Variants in THEMIS observed in about 807,000 individuals in gnomAD.
THEMIS encodes the protein thymocyte selection associated.
Under a neutral mutation model 52.6 loss-of-function variants are expected in THEMIS, and 37 were observed. That is an observed-to-expected ratio of 0.70 (90% CI 0.54 to 0.93). THEMIS has a LOEUF of 0.93. Ranked by LOEUF, THEMIS falls within the 40% of genes least tolerant of loss-of-function variation. The probability of loss-of-function intolerance (pLI) is 0.00; values close to 1 mark genes in which losing one functional copy is unlikely to be tolerated. For synonymous variants in THEMIS, 292 were observed against 272.7 expected (o/e 1.07, Z -0.70); for missense variants, 808 against 763.1 (o/e 1.06, Z -0.69).
At position 127,900,836 on chromosome 6, in the gene THEMIS, G is replaced by A. The variant is rs368749316; in HGVS notation, c.91+6C>T. On this transcript the variant is annotated splice_donor_region_variant and intron_variant, in intron 1 of 5. Coordinates refer to ENST00000368248, the MANE Select transcript of THEMIS (RefSeq NM_001010923.3). ...CTAGCCAGTAAAGGTATTGGAGAGT[G>A]CTTACCTTCAAGATAGATGCCTGCC... The A allele has an allele frequency of 1.4e-5, 23 of 1,610,208 alleles. 1 individual carries two copies. In the South Asian group the frequency reaches 2.5e-4, roughly 18 times the overall value.
intron 1 of THEMIS, among the ~76,000 whole-genome samples, chr6:127,859,913 G>A (rs573737015): frequency 1.9e-4 from 29 of 152,180 alleles, no homozygotes; most frequent in African/African-American, 7.0e-4. Flanking sequence ...ATTATAAATA[G>A]GTGTGATTAT....
chr6:127,730,344 G>A (rs1001899897), intron 4 of THEMIS, among the ~76,000 whole-genome samples: 75 of 81,894 alleles, frequency 9.2e-4, no homozygotes, highest in Middle Eastern at 7.5e-3. Context: ...AAGAAAAGAA[G>A]AGAAGAGAAG....
At position 127,734,652 on chromosome 6, in the gene THEMIS, C is replaced by T. The variant is rs149057140; in HGVS notation, c.1759-14829G>A. On this transcript the variant is annotated intron_variant, in intron 4 of 5. Transcript: ENST00000368248. Reference sequence around the variant, plus strand: ...TTGGGAGGCCGAGGCAGGCCGATCACGAAGCCTGGAGATCAAGACCATCCT... The same window carrying T: ...TTGGGAGGCCGAGGCAGGCCGATCATGAAGCCTGGAGATCAAGACCATCCT... 1.6e-4 allele frequency among the ~76,000 whole-genome samples: 24 copies of T among 151,906 alleles called. 1 individual carries two copies. In the East Asian group the frequency reaches 3.7e-3, roughly 23 times the overall value.
intron 4 of THEMIS, among the ~76,000 whole-genome samples, chr6:127,773,453 A>G (rs1418470570): frequency 6.6e-6 from 1 of 152,238 alleles, no homozygotes; most frequent in Non-Finnish European, 1.5e-5. Flanking sequence ...TTAGAAATCT[A>G]AAAAGTACTT....
At chr6:127,839,223 G>A (rs932832659) in intron 2 of THEMIS, among the ~76,000 whole-genome samples, 43 of 151,742 alleles carry the variant, frequency 2.8e-4, no homozygotes, top group African/African-American at 8.5e-4. Context: ...ATTCAAGCAC[G>A]TCTATTTTTT....
chr6:127,710,872 T>C (rs1263801592), intron 5 of THEMIS, among the ~76,000 whole-genome samples: 1 of 151,896 alleles, frequency 6.6e-6, no homozygotes, highest in Non-Finnish European at 1.5e-5. Context: ...TGCCAGGACC[T>C]GGAGAGAAAG....
intron 5 of THEMIS, among the ~76,000 whole-genome samples, chr6:127,713,856 C>G (rs974378731): frequency 5.9e-5 from 9 of 151,840 alleles, no homozygotes; most frequent in African/African-American, 2.2e-4. Context: ...GTTACACAAT[C>G]TGGCTTAAGA....
chr6:127,747,286 ATATC>A (rs923952349), intron 4 of THEMIS, among the ~76,000 whole-genome samples: 12 of 140,254 alleles, frequency 8.6e-5, no homozygotes, highest in Non-Finnish European at 1.8e-4. Flanking sequence ...ACATATAGAG[ATATC>A]TATCTGTTAA....
At chr6:127,739,806 A>G (rs1483703765) in intron 4 of THEMIS, among the ~76,000 whole-genome samples, 2 of 152,180 alleles carry the variant, frequency 1.3e-5, no homozygotes, top group Non-Finnish European at 2.9e-5. Context: ...CACTTAAATG[A>G]GATTTGGTAT....
At chr6:127,799,347 A>G (rs939406780) in intron 4 of THEMIS, among the ~76,000 whole-genome samples, 1 of 152,194 alleles carries the variant, frequency 6.6e-6, no homozygotes, top group African/African-American at 2.4e-5. Flanking sequence ...GTAAGGAAGT[A>G]TATATATTCA....
rs1314286206 is a variant in THEMIS, at chr6:127,813,543, G to T, written c.1098C>A (p.His366Gln). Residue 366 changes from histidine to glutamine, a missense_variant, in exon 4 of 6, where the codon CAC (histidine) becomes CAA (glutamine). Physicochemically the swap from His to Gln is conservative, Grantham distance 24. Transcript: ENST00000368248. ...AATGAAACGCTTTGGTGGCCACCACGTGAAGAGGCTCCTTTTCACTCTTAG... is the reference window on the plus strand; with the variant it reads ...AATGAAACGCTTTGGTGGCCACCACTTGAAGAGGCTCCTTTTCACTCTTAG... ...EIAKSEKEPL[H>Q]VVATKAFHSP... 3 of 1,613,312 alleles carry T rather than the reference G, an allele frequency of 1.9e-6. No individual in the cohort carries two copies. The highest frequency in any genetic ancestry group is 2.2e-5 in the East Asian group (1 of 44,866).
intron 1 of THEMIS, among the ~76,000 whole-genome samples, chr6:127,909,169 C>A (rs1364910264): frequency 2.0e-5 from 3 of 151,916 alleles, no homozygotes; most frequent in Admixed American, 1.3e-4. Flanking sequence ...GGCAACAGAC[C>A]ATTTGCTTAA....
At chr6:127,713,471 T>C (rs927506925) in intron 5 of THEMIS, among the ~76,000 whole-genome samples, 5 of 151,828 alleles carry the variant, frequency 3.3e-5, no homozygotes, top group Non-Finnish European at 5.9e-5. Context: ...AACCTAAGGA[T>C]AGAGCAAACT....
At chr6:127,901,148 G>A, upstream of THEMIS, 1 of 575,810 alleles carries the variant, frequency 1.7e-6, no homozygotes, top group South Asian at 2.2e-5. Context: ...AGCTCTTTTT[G>A]TTCACATTGT....
chr6:127,860,595 T>C (rs1415122626), intron 1 of THEMIS, among the ~76,000 whole-genome samples: 1 of 152,086 alleles, frequency 6.6e-6, no homozygotes, highest in Non-Finnish European at 1.5e-5. Context: ...GAAATGTTGG[T>C]GAGTCTTACT....
At chr6:127,804,139 C>G (rs745941782) in intron 4 of THEMIS, among the ~76,000 whole-genome samples, 18 of 152,114 alleles carry the variant, frequency 1.2e-4, no homozygotes, top group Admixed American at 2.6e-4. Flanking sequence ...AGCTCAAAGG[C>G]ACTTGAACAT....
chr6:127,772,657 C>A (rs1002461368), intron 4 of THEMIS, among the ~76,000 whole-genome samples: 2 of 152,020 alleles, frequency 1.3e-5, no homozygotes, highest in African/African-American at 4.8e-5. Flanking sequence ...TTCTGTCTTG[C>A]CAAAGACTAC....
chr6:127,759,452 A>G (rs1342868666), intron 4 of THEMIS, among the ~76,000 whole-genome samples: 4 of 152,160 alleles, frequency 2.6e-5, no homozygotes, highest in Admixed American at 2.0e-4. Flanking sequence ...TGAATGTTTA[A>G]TTTCAAATTT....
intron 2 of THEMIS, among the ~76,000 whole-genome samples, chr6:127,854,259 A>G (rs1359523049): frequency 3.3e-5 from 5 of 151,802 alleles, no homozygotes; most frequent in Non-Finnish European, 7.4e-5. Context: ...TCATTGGTTT[A>G]TGTATTATCC....
Sources: gnomAD v4.1 joint callset for allele counts (sites outside exome capture counted in the v4.1 genomes callset) on GRCh38, gnomAD v4.1.1 for gene constraint, MANE v1.5 for transcripts, NCBI Gene and HGNC (gene_info 2026-07-23, HGNC 2026-07-21) for gene names.